The following SLC25A16 variants were observed in gnomAD, a reference collection of about 807,000 sequenced individuals.
The protein encoded by SLC25A16 is solute carrier family 25 member 16.
A neutral mutation model predicts 41.5 loss-of-function variants in SLC25A16; 39 were observed. The ratio of observed to expected loss-of-function variants is 0.94; its 90% CI spans 0.73 to 1.23. The LOEUF is 1.23. Among genes scored for constraint, SLC25A16 ranks in the 50% most tolerant of loss-of-function variants. The probability of loss-of-function intolerance (pLI) is 0.00; values close to 1 mark genes in which losing one functional copy is unlikely to be tolerated. For synonymous variants in SLC25A16, 146 were observed against 147.8 expected, an observed-to-expected ratio of 0.99 and a Z score of 0.09; for missense variants, 421 against 426.9, an observed-to-expected ratio of 0.99 and a Z score of 0.12.
At chr10:68,524,499 C>G (rs2053303745) in intron 1 of SLC25A16, among the ~76,000 whole-genome samples, 1 of 151,404 alleles carries the variant, frequency 6.6e-6, no homozygotes, top group Non-Finnish European at 1.5e-5. Flanking sequence ...TGAGATGGCA[C>G]TAATGCACTC....
At position 68,485,988 on chromosome 10, in the gene SLC25A16, G is replaced by A. The variant is rs561863101; in HGVS notation, c.842+1156C>T. ...AATTTTTTGTATTTTTACTAGAGAC[G>A]GGATTTCACCATGTTAGCCAGGAGT... On this transcript the variant is annotated intron_variant, in intron 8 of 8. Transcript: ENST00000609923. 4.7e-5 allele frequency among the ~76,000 whole-genome samples: 7 copies of A among 150,274 alleles called. No individual in the cohort carries two copies. In the South Asian group the frequency reaches 8.4e-4, roughly 18 times the overall value.
At chr10:68,501,882 C>T (rs2052852386) in intron 4 of SLC25A16, among the ~76,000 whole-genome samples, 1 of 152,022 alleles carries the variant, frequency 6.6e-6, no homozygotes, top group Admixed American at 6.6e-5. Flanking sequence ...ATCAACATGC[C>T]AAAACAAATA....
chr10:68,526,523 G>A (rs929945685), intron 1 of SLC25A16, among the ~76,000 whole-genome samples: 2 of 151,976 alleles, frequency 1.3e-5, no homozygotes, highest in Admixed American at 6.6e-5. Context: ...CTGGTTCCCC[G>A]GGTCCCCTTA....
chr10:68,509,689 T>A (rs896461726), intron 2 of SLC25A16, among the ~76,000 whole-genome samples: 7 of 140,070 alleles, frequency 5.0e-5, no homozygotes, highest in Non-Finnish European at 9.1e-5. Context: ...GGTGACAGAA[T>A]AAGACCATGT....
Position 68,516,830 on chromosome 10 carries a change from G to A in SLC25A16, c.144C>T (p.Cys48=). The change falls in exon 2 of 9, where the codon TGC becomes TGT. Residue 48 remains cysteine, a synonymous_variant. Coordinates refer to ENST00000609923, the MANE Select transcript of SLC25A16 (RefSeq NM_152707.4). The part of the protein sequence containing the change: ...RSFLAGGIAG[C]CAKTTVAPLD... The stretch of plus-strand genomic sequence containing the variant: ...ATGGAGCAACTGTTGTTTTGGCACA[G>A]CATCCAGCAATACCTAAAAATTTTT... The A allele has an allele frequency of 6.2e-7, 1 of 1,612,736 alleles. No homozygotes were observed. Among genetic ancestry groups the A allele is most frequent in the Non-Finnish European group, 8.5e-7 (1 of 1,179,226 alleles).
chr10:68,507,829 C>A (rs2052983727), intron 2 of SLC25A16, among the ~76,000 whole-genome samples: 1 of 152,174 alleles, frequency 6.6e-6, no homozygotes, highest in Admixed American at 6.6e-5. Context: ...AAATTTTAGA[C>A]TGCAAATAAC....
At chr10:68,525,401 G>A (rs564885957) in intron 1 of SLC25A16, among the ~76,000 whole-genome samples, 3 of 152,278 alleles carry the variant, frequency 2.0e-5, no homozygotes, top group South Asian at 2.1e-4. Flanking sequence ...CTCCCAAAGT[G>A]CTGGGATTAC....
At chr10:68,506,322 G>C (rs1312106863) in intron 3 of SLC25A16, among the ~76,000 whole-genome samples, 3 of 152,002 alleles carry the variant, frequency 2.0e-5, no homozygotes, top group East Asian at 3.9e-4. Context: ...GCATAGGCCT[G>C]TAATCCCAGC....
At chr10:68,524,237 G>A (rs965047278) in intron 1 of SLC25A16, among the ~76,000 whole-genome samples, 1 of 147,078 alleles carries the variant, frequency 6.8e-6, no homozygotes, top group Non-Finnish European at 1.5e-5. Flanking sequence ...GTGAACCCGG[G>A]AGGCAGAGAT....
rs1043593476 is a variant in SLC25A16, at chr10:68,483,564, A to G, written c.867T>C (p.Tyr289=). 2 of 1,609,138 alleles carry G rather than the reference A, an allele frequency of 1.2e-6. No individual in the cohort carries two copies. Among genetic ancestry groups the G allele is most frequent in the Non-Finnish European group, 1.7e-6 (2 of 1,177,492 alleles). Residue 289 remains tyrosine (Y), a synonymous_variant, in exon 9 of 9, where the codon TAT becomes TAC. Transcript: ENST00000609923. ...TTCGAATTCCATGGTGTCCATAGAC[A>G]TACTTCATAGTATCCCGCATGGTAC... ...KCLTMRDTMK[Y]VYGHHGIRKG...
At position 68,483,422 on chromosome 10, in the gene SLC25A16, T is replaced by A. The variant is rs150740752; in HGVS notation, c.*10A>T. 4.5e-6 allele frequency: 7 copies of A among 1,553,836 alleles called. No homozygotes were observed. In the African/African-American group the frequency reaches 8.2e-5, roughly 18 times the overall value. On this transcript the variant is annotated 3_prime_UTR_variant, in exon 9 of 9. Coordinates refer to ENST00000609923, the MANE Select transcript of SLC25A16 (RefSeq NM_152707.4). ...AGAATGTATTAAGAAAAACCAACCATAATTTTTTTTTAGTTGAGGTGAAAA... is the reference window on the plus strand; with the variant it reads ...AGAATGTATTAAGAAAAACCAACCAAAATTTTTTTTTAGTTGAGGTGAAAA...
At chr10:68,514,438 G>A (rs1326673302) in intron 2 of SLC25A16, among the ~76,000 whole-genome samples, 1 of 152,084 alleles carries the variant, frequency 6.6e-6, no homozygotes, top group Non-Finnish European at 1.5e-5. Flanking sequence ...GGAGGTTGCA[G>A]TGAGCAGAGA....
At chr10:68,512,296 AATAAATAC>A (rs1192588545) in intron 2 of SLC25A16, among the ~76,000 whole-genome samples, 27 of 152,178 alleles carry the variant, frequency 1.8e-4, no homozygotes, top group Middle Eastern at 3.2e-3. Flanking sequence ...CAAATAAATA[AATAAATAC>A]ATAAATACAT....
chr10:68,515,216 G>C lies in SLC25A16; in HGVS notation c.223+1535C>G, dbSNP rs543630435. Among the ~76,000 whole-genome samples the C allele has an allele frequency of 4.2e-3, 632 of 150,266 alleles. 4 individuals carry two copies. Among genetic ancestry groups the C allele is most frequent in the African/African-American group, 0.015 (602 of 41,072 alleles). On this transcript the variant is annotated intron_variant, in intron 2 of 8. Transcript: ENST00000609923. ...TACTAAAAATACAAAAATTAGCCAG[G>C]CGTGGTGGTGCATGCCTGTAATCCC...
rs1257087790 is a variant in SLC25A16 at position 68,527,339 on chromosome 10, CCGCCGCCAGGGCTGCCGCGGCCGT to C, written c.13_36del (p.Thr5_Ala12del). 2 of 1,530,978 alleles carry C rather than the reference CCGCCGCCAGGGCTGCCGCGGCCGT, an allele frequency of 1.3e-6. No individual in the cohort carries two copies. Among genetic ancestry groups the C allele is most frequent in the Non-Finnish European group, 1.8e-6 (2 of 1,140,390 alleles). The allele number at this position is 1,530,978 out of a possible 1,614,324, so 94.8% of individuals were successfully genotyped here. A position where few individuals can be genotyped will look rare whatever the true frequency, so the allele number is the denominator to read the frequency against. On this transcript the variant is annotated inframe_deletion, in exon 1 of 9. Coordinates refer to ENST00000609923, the MANE Select transcript of SLC25A16 (RefSeq NM_152707.4). ...TGCGGCATTGCGGGAGGGGGATCGG[CCGCCGCCAGGGCTGCCGCGGCCGT>C]CGCCGCCGCCATCAGGACCAGGGTC...
intron 1 of SLC25A16, among the ~76,000 whole-genome samples, chr10:68,524,591 C>T (rs1590132723): frequency 1.3e-5 from 2 of 150,990 alleles, no homozygotes; most frequent in African/African-American, 2.4e-5. Context: ...CACCTGTAAT[C>T]CCAGCTACTC....
intron 3 of SLC25A16, among the ~76,000 whole-genome samples, chr10:68,505,384 G>A (rs1302773307): frequency 6.6e-6 from 1 of 151,272 alleles, no homozygotes; most frequent in East Asian, 1.9e-4. Flanking sequence ...GAGGGAAGGA[G>A]GGAAGGGAAA....
intron 6 of SLC25A16, among the ~76,000 whole-genome samples, chr10:68,488,931 T>C (rs56139009): frequency 0.3 from 45,950 of 152,074 alleles, 8,647 homozygotes; most frequent in Non-Finnish European, 0.42. Flanking sequence ...AAAAATTAAA[T>C]TCATGATTAT....
At position 68,493,182 on chromosome 10, in the gene SLC25A16, C is replaced by T. The variant is rs750322677; in HGVS notation, c.560G>A (p.Gly187Glu). 6.3e-7 allele frequency: 1 copy of T among 1,595,500 alleles called. No homozygotes were observed. The highest frequency in any genetic ancestry group is 8.5e-7 in the Non-Finnish European group (1 of 1,172,996). Reference sequence around the variant, plus strand: ...AGTAGGCATCAGACCTCTGTAAAATCCAAAGAAACCACCTTCCTTTTGAGT... The same window carrying T: ...AGTAGGCATCAGACCTCTGTAAAATTCAAAGAAACCACCTTCCTTTTGAGT... ...TIYAKEGGFF[G>E]FYRGLMPTIL... The change falls in exon 6 of 9, where the codon GGA (glycine) becomes GAA (glutamate). Residue 187 changes from glycine (G) to glutamate (E), a missense_variant. Coordinates refer to ENST00000609923, the MANE Select transcript of SLC25A16 (RefSeq NM_152707.4).
Sources: allele counts gnomAD v4.1 joint callset (sites outside exome capture counted in the v4.1 genomes callset), GRCh38; gene constraint gnomAD v4.1.1; transcripts MANE v1.5; gene names NCBI Gene and HGNC (gene_info 2026-07-23, HGNC 2026-07-21).